The following EPHA6 variants were observed in gnomAD, a reference collection of about 807,000 sequenced individuals.
The protein encoded by EPHA6 is ephrin type-A receptor 6.
In EPHA6, 50 loss-of-function variants were observed where a neutral mutation model predicts 112.0. The observed-to-expected ratio is 0.45, with a 90% CI of 0.36 to 0.56. The LOEUF (loss-of-function observed/expected upper bound fraction) is 0.56, where lower values mean the gene tolerates loss of function less well. Ranked by LOEUF, EPHA6 falls within the 20% of genes least tolerant of loss-of-function variation. The pLI is 0.00. For missense variants in EPHA6, 1,280 were observed against 1,417.4 expected (o/e 0.90, Z 1.56); for synonymous variants, 529 against 490.7 (o/e 1.08, Z -1.03).
chr3:97,064,207 T>C (rs1282532413), intron 3 of EPHA6, among the ~76,000 whole-genome samples: 1 of 152,200 alleles, frequency 6.6e-6, no homozygotes, highest in Non-Finnish European at 1.5e-5. Context: ...TTTTCTTTAA[T>C]TCTCAGTTCA....
intron 2 of EPHA6, among the ~76,000 whole-genome samples, chr3:96,957,307 G>A (rs188064892): frequency 2.2e-4 from 33 of 152,326 alleles, no homozygotes; most frequent in African/African-American, 7.9e-4. Context: ...AGTGTTGACA[G>A]TGTTGCATGG....
intron 11 of EPHA6, among the ~76,000 whole-genome samples, chr3:97,566,629 C>G (rs947245399): frequency 2.0e-5 from 3 of 152,152 alleles, no homozygotes; most frequent in African/African-American, 7.2e-5. Flanking sequence ...CCAAGTCATG[C>G]TCTCTTAATT....
In EPHA6 at chr3:97,507,391, C is replaced by T. The variant is rs997847664; in HGVS notation, c.2200+23332C>T. Among the ~76,000 whole-genome samples the T allele has an allele frequency of 9.2e-5, 14 of 152,090 alleles. No homozygotes were observed. The East Asian group carries it at 1.2e-3, about 13-fold the overall frequency. Reference sequence around the variant, plus strand: ...AGCATGAAGGAGTGTCGAATTTTATCGAAGGCCTTTTCTGCATCTATTAAG... The same window carrying T: ...AGCATGAAGGAGTGTCGAATTTTATTGAAGGCCTTTTCTGCATCTATTAAG... On this transcript the variant is annotated intron_variant, in intron 10 of 17. Coordinates refer to ENST00000389672, the MANE Select transcript of EPHA6 (RefSeq NM_001080448.3).
intron 10 of EPHA6, among the ~76,000 whole-genome samples, chr3:97,491,666 T>A (rs983817812): frequency 6.6e-6 from 1 of 150,730 alleles, no homozygotes; most frequent in Non-Finnish European, 1.5e-5. Context: ...TGTGCTGAGA[T>A]GGCCTTGTGT....
chr3:97,332,403 G>A (rs2082845451), intron 5 of EPHA6, among the ~76,000 whole-genome samples: 1 of 151,094 alleles, frequency 6.6e-6, no homozygotes, highest in African/African-American at 2.4e-5. Context: ...GGAAGTTCTG[G>A]CCAGGGCAAT....
At chr3:97,418,929 G>A (rs979910080) in intron 6 of EPHA6, among the ~76,000 whole-genome samples, 1 of 152,142 alleles carries the variant, frequency 6.6e-6, no homozygotes, top group African/African-American at 2.4e-5. Flanking sequence ...AGTATATGCA[G>A]GTAATAAATG....
intron 12 of EPHA6, among the ~76,000 whole-genome samples, chr3:97,601,753 G>A (rs923304123): frequency 6.6e-5 from 10 of 152,176 alleles, no homozygotes; most frequent in South Asian, 2.1e-4. Context: ...TATGTCATAT[G>A]TATGACTATT....
rs2036062544 is a variant in EPHA6 at position 97,757,821 on chromosome 3, A to G, written c.*9120A>G. The stretch of plus-strand genomic sequence containing the variant: ...CTTTCCAGTTGTTTTAAGTATTTTA[A>G]AAAAGAGCCATTGTATTTTTTATAT... On this transcript the variant is annotated 3_prime_UTR_variant, in exon 18 of 18. Coordinates refer to ENST00000389672, the MANE Select transcript of EPHA6 (RefSeq NM_001080448.3). Among the ~76,000 whole-genome samples the G allele has an allele frequency of 6.6e-6, 1 of 151,874 alleles. No homozygotes were observed. Among genetic ancestry groups the G allele is most frequent in the Non-Finnish European group, 1.5e-5 (1 of 67,794 alleles).
chr3:96,947,784 G>A (rs1315211612), intron 2 of EPHA6, among the ~76,000 whole-genome samples: 1 of 152,124 alleles, frequency 6.6e-6, no homozygotes, highest in Non-Finnish European at 1.5e-5. Context: ...CCATGCTCAT[G>A]GATAGGAAGA....
intron 14 of EPHA6, among the ~76,000 whole-genome samples, chr3:97,664,832 A>G (rs2094194550): frequency 6.6e-6 from 1 of 152,238 alleles, no homozygotes; most frequent in Admixed American, 6.5e-5. Flanking sequence ...GGATACAAAC[A>G]AAAAGAACAT....
chr3:97,519,766 AT>A (rs1024093050), intron 10 of EPHA6, among the ~76,000 whole-genome samples: 5 of 150,568 alleles, frequency 3.3e-5, no homozygotes, highest in African/African-American at 4.9e-5. Context: ...TTCCTTGTTG[AT>A]TTTTTTTCAG....
chr3:96,947,706 T>C (rs1042259919), intron 2 of EPHA6, among the ~76,000 whole-genome samples: 1 of 152,086 alleles, frequency 6.6e-6, no homozygotes, highest in African/African-American at 2.4e-5. Context: ...GTGAAGGAGC[T>C]CTTCAAGGAG....
intron 3 of EPHA6, among the ~76,000 whole-genome samples, chr3:97,154,019 G>T (rs947211908): frequency 1.3e-5 from 2 of 151,860 alleles, no homozygotes; most frequent in Non-Finnish European, 2.9e-5. Context: ...TACAAAATTA[G>T]CCCAGTGTGG....
At chr3:97,258,033 A>T (rs1459451336) in intron 5 of EPHA6, among the ~76,000 whole-genome samples, 2 of 152,026 alleles carry the variant, frequency 1.3e-5, no homozygotes, top group African/African-American at 4.8e-5. Flanking sequence ...AAAGTCCTTT[A>T]TGATCTTATC....
chr3:97,386,615 G>T (rs1231774145), intron 5 of EPHA6, among the ~76,000 whole-genome samples: 1 of 152,190 alleles, frequency 6.6e-6, no homozygotes, highest in Non-Finnish European at 1.5e-5. Context: ...CTGATATTGA[G>T]TGTCTGCAGC....
intron 15 of EPHA6, among the ~76,000 whole-genome samples, chr3:97,722,659 A>G (rs941681891): frequency 3.3e-5 from 5 of 152,162 alleles, no homozygotes; most frequent in Non-Finnish European, 5.9e-5. Flanking sequence ...GAGACATAGT[A>G]TATAACATGA....
chr3:97,192,921 G>A (rs374333531), intron 3 of EPHA6, among the ~76,000 whole-genome samples: 1 of 152,076 alleles, frequency 6.6e-6, no homozygotes, highest in Non-Finnish European at 1.5e-5. Flanking sequence ...TGGGTTCTTG[G>A]CACCTTTGTT....
At position 97,149,378 on chromosome 3, in the gene EPHA6, A is replaced by G. The variant is rs2076116392; in HGVS notation, c.1115-76886A>G. On this transcript the variant is annotated intron_variant, in intron 3 of 17. Coordinates refer to ENST00000389672, the MANE Select transcript of EPHA6 (RefSeq NM_001080448.3). ...CACAGTTGACATGTAATAAGCATTT[A>G]TTAATAATAATGACATGTAAATTTG... Among the ~76,000 whole-genome samples the G allele has an allele frequency of 2.0e-5, 3 of 152,134 alleles. No individual in the cohort carries two copies. The South Asian group carries it at 6.2e-4, about 31-fold the overall frequency.
intron 1 of EPHA6, among the ~76,000 whole-genome samples, chr3:96,852,263 C>G (rs1283445218): frequency 6.6e-6 from 1 of 151,786 alleles, no homozygotes; most frequent in Admixed American, 6.6e-5. Context: ...GGAGGCTGAC[C>G]TGGGCGGATC....
Sources: gnomAD v4.1 joint callset for allele counts (sites outside exome capture counted in the v4.1 genomes callset) on GRCh38, gnomAD v4.1.1 for gene constraint, MANE v1.5 for transcripts, NCBI Gene and HGNC (gene_info 2026-07-23, HGNC 2026-07-21) for gene names.